Variants in MANBA observed in about 807,000 individuals in gnomAD.
The protein encoded by MANBA is beta-mannosidase.
A neutral mutation model predicts 111.1 loss-of-function variants in MANBA; 83 were observed. The ratio of observed to expected loss-of-function variants is 0.75; its 90% CI spans 0.63 to 0.90. The LOEUF (loss-of-function observed/expected upper bound fraction) is 0.90. MANBA is among the 40% of genes least tolerant of loss of function. The pLI is 0.00. For missense variants in MANBA, 1,036 were observed against 1,069.0 expected, an observed-to-expected ratio of 0.97 and a Z score of 0.43; for synonymous variants, 370 against 378.7, an observed-to-expected ratio of 0.98 and a Z score of 0.27.
chr4:102,750,046 A>C (rs1723732096), intron 1 of MANBA, among the ~76,000 whole-genome samples: 1 of 152,170 alleles, frequency 6.6e-6, no homozygotes, highest in South Asian at 2.1e-4. Context: ...AAAACCTTGG[A>C]CTTCTCTCTT....
chr4:102,737,768 G>A (rs1470663450), intron 1 of MANBA, among the ~76,000 whole-genome samples: 1 of 152,160 alleles, frequency 6.6e-6, no homozygotes, highest in African/African-American at 2.4e-5. Flanking sequence ...AGGCATGAGC[G>A]ACTGCGCCCG....
intron 6 of MANBA, among the ~76,000 whole-genome samples, 167 bp downstream of exon 6, chr4:102,690,428 AG>A (rs1732420244): frequency 6.6e-6 from 1 of 152,200 alleles, no homozygotes; most frequent in Admixed American, 6.5e-5. Flanking sequence ...ATCATTCTTT[AG>A]CTCATACTCA....
intron 14 of MANBA, among the ~76,000 whole-genome samples, chr4:102,638,674 T>C (rs1729734757): frequency 1.3e-5 from 2 of 152,210 alleles, no homozygotes; most frequent in Admixed American, 6.5e-5. Flanking sequence ...CTTTCCAGCA[T>C]CCCAGAAGGA....
chr4:102,710,901 T>C (rs1474050631), intron 5 of MANBA, among the ~76,000 whole-genome samples: 2 of 151,938 alleles, frequency 1.3e-5, no homozygotes, highest in African/African-American at 2.4e-5. Context: ...GCGGGGAAAA[T>C]TGGATATCCA....
At chr4:102,652,010 T>C (rs1376689869) in intron 12 of MANBA, among the ~76,000 whole-genome samples, 3 of 152,238 alleles carry the variant, frequency 2.0e-5, no homozygotes. Flanking sequence ...TACCATGTTA[T>C]AATTTGATAC....
At chr4:102,638,912 G>C (rs1729747632) in intron 14 of MANBA, among the ~76,000 whole-genome samples, 1 of 152,050 alleles carries the variant, frequency 6.6e-6, no homozygotes, top group Admixed American at 6.5e-5. Context: ...ACAAGACTCT[G>C]TCTCAAAAAA....
chr4:102,638,027 A>G (rs1239022617), intron 14 of MANBA, among the ~76,000 whole-genome samples: 2 of 152,240 alleles, frequency 1.3e-5, no homozygotes, highest in Non-Finnish European at 2.9e-5. Flanking sequence ...CATGGTGTCC[A>G]CTGCAGAAGT....
At chr4:102,678,356 C>A (rs563029283) in intron 7 of MANBA, among the ~76,000 whole-genome samples, 7 of 152,060 alleles carry the variant, frequency 4.6e-5, no homozygotes, top group Non-Finnish European at 1.0e-4. Context: ...TAATTTTCCA[C>A]GTCCTCTGGC....
Position 102,726,618 on chromosome 4 carries a change from G to A in MANBA, c.243C>T (p.Ser81=), listed in dbSNP as rs759442345. The A allele has an allele frequency of 1.3e-6, 2 of 1,556,234 alleles. No individual in the cohort carries two copies. Among genetic ancestry groups the A allele is most frequent in the Non-Finnish European group, 1.8e-6 (2 of 1,128,478 alleles). ...TTTCAAAGGGGATTTTAAATTCTTTGCTATAGGTCCAGTTATCCAAAGAGA... is the reference window on the plus strand; with the variant it reads ...TTTCAAAGGGGATTTTAAATTCTTTACTATAGGTCCAGTTATCCAAAGAGA... The part of the protein sequence containing the change: ...RWVSLDNWTY[S]KEFKIPFEIS... The change falls in exon 2 of 17, where the codon AGC becomes AGT. Residue 81 remains serine (S), a synonymous_variant. Coordinates refer to ENST00000647097, the MANE Select transcript of MANBA (RefSeq NM_005908.4).
rs903194759 is a variant in MANBA at position 102,726,572 on chromosome 4, C to T, written c.272+17G>A. On this transcript the variant is annotated intron_variant, in intron 2 of 16. Transcript: ENST00000647097. ...AAGTTCAAATAATAATAAAAATACA[C>T]CCACAAACATACATACCTAATTTCA... 6.3e-6 allele frequency: 8 copies of T among 1,260,466 alleles called. No individual in the cohort carries two copies. Among genetic ancestry groups the T allele is most frequent in the African/African-American group, 3.0e-5 (2 of 67,384 alleles). The allele number at this position is 1,260,466 out of a possible 1,614,324, so 78.1% of individuals were successfully genotyped here.
intron 10 of MANBA, chr4:102,668,532 T>C (rs900096172): frequency 1.0e-5 from 2 of 196,660 alleles, no homozygotes; most frequent in Non-Finnish European, 2.1e-5. Flanking sequence ...CTAAAATAAA[T>C]CAAGGAATCA....
chr4:102,669,807 C>T (rs1447225098), intron 9 of MANBA, among the ~76,000 whole-genome samples: 5 of 151,958 alleles, frequency 3.3e-5, no homozygotes, highest in African/African-American at 9.7e-5. Flanking sequence ...GGTGAAACCC[C>T]GTCTCTACTA....
chr4:102,695,903 T>C (rs1041568237), intron 5 of MANBA, among the ~76,000 whole-genome samples: 1 of 152,094 alleles, frequency 6.6e-6, no homozygotes, highest in Non-Finnish European at 1.5e-5. Flanking sequence ...AATAATAAAA[T>C]GTTAGCCTAA....
intron 7 of MANBA, among the ~76,000 whole-genome samples, chr4:102,677,576 AAG>A (rs1731782377): frequency 6.6e-6 from 1 of 152,242 alleles, no homozygotes; most frequent in African/African-American, 2.4e-5. Flanking sequence ...CAAAAAGTTT[AAG>A]AAACTATCAT....
chr4:102,696,387 T>C (rs1203986578), intron 5 of MANBA, among the ~76,000 whole-genome samples: 1 of 152,194 alleles, frequency 6.6e-6, no homozygotes, highest in South Asian at 2.1e-4. Flanking sequence ...TATGTGAGCA[T>C]TTGTGTCAAG....
intron 13 of MANBA, among the ~76,000 whole-genome samples, chr4:102,640,564 T>C (rs1163786457): frequency 6.6e-6 from 1 of 152,104 alleles, no homozygotes; most frequent in Non-Finnish European, 1.5e-5. Flanking sequence ...TACCGACACA[T>C]ATGAATCACA....
intron 5 of MANBA, among the ~76,000 whole-genome samples, chr4:102,700,255 C>G (rs1287406696): frequency 4.0e-3 from 530 of 132,764 alleles, no homozygotes; most frequent in African/African-American, 7.9e-3. Flanking sequence ...CTCTTTTTTT[C>G]TTTATTAGTC....
In MANBA at chr4:102,714,492, T is replaced by A. The variant is rs1323546256; in HGVS notation, c.619A>T (p.Ile207Phe). 1.9e-6 allele frequency: 3 copies of A among 1,603,538 alleles called. No individual in the cohort carries two copies. In the South Asian group the frequency reaches 3.3e-5, roughly 18 times the overall value. ...PTQGIWKDVR[I>F]EAYNICHLNY... is the part of the protein sequence containing the mutation. ...AGGTGACAAATATTATAGGCTTCAA[T>A]TCTAACATCTTTCCAGATTCCCTGG... is the stretch of plus-strand genomic sequence containing the variant. The change falls in exon 5 of 17, where the codon ATT becomes TTT. Residue 207 changes from isoleucine (I) to phenylalanine (F), a missense_variant. Ile to Phe is a conservative substitution (Grantham distance 21, BLOSUM62 0). Coordinates refer to ENST00000647097, the MANE Select transcript of MANBA (RefSeq NM_005908.4).
intron 5 of MANBA, among the ~76,000 whole-genome samples, chr4:102,695,544 T>A (rs1732668324): frequency 6.6e-6 from 1 of 152,198 alleles, no homozygotes; most frequent in African/African-American, 2.4e-5. Context: ...TAATGACTAT[T>A]CTAACTTACA....
Sources: allele counts gnomAD v4.1 joint callset (sites outside exome capture counted in the v4.1 genomes callset), GRCh38; gene constraint gnomAD v4.1.1; transcripts MANE v1.5; gene names NCBI Gene and HGNC (gene_info 2026-07-23, HGNC 2026-07-21).